Variants in FAM91A1 observed in about 807,000 individuals in gnomAD.
The protein encoded by FAM91A1 is family with sequence similarity 91 member A1.
In FAM91A1, 41 loss-of-function variants were observed where a neutral mutation model predicts 113.5. The observed-to-expected ratio is 0.36, with a 90% CI of 0.28 to 0.47. The LOEUF is 0.47. Ranked by LOEUF, FAM91A1 falls within the 20% of genes least tolerant of loss-of-function variation. The pLI is 1.00. For missense variants in FAM91A1, 696 were observed against 1,001.2 expected, an observed-to-expected ratio of 0.70 and a Z score of 4.11; for synonymous variants, 307 against 347.9, an observed-to-expected ratio of 0.88 and a Z score of 1.31.
chr8:123,789,535 A>G, intron 14 of FAM91A1, 78 bp from the exon 15 acceptor site: 5 of 1,574,814 alleles, frequency 3.2e-6, no homozygotes, highest in Non-Finnish European at 4.3e-6. Context: ...AATGTCTTAT[A>G]TCTCTATTAT....
intron 8 of FAM91A1, among the ~76,000 whole-genome samples, chr8:123,781,791 C>G (rs1447450594): frequency 6.6e-6 from 1 of 152,114 alleles, no homozygotes; most frequent in Non-Finnish European, 1.5e-5. Context: ...GGCCTGCATC[C>G]TATTTTAAGC....
At chr8:123,784,634 T>C (rs1815207814) in intron 9 of FAM91A1, 58 bp downstream of exon 9, 4 of 1,270,850 alleles carry the variant, frequency 3.1e-6, no homozygotes, top group Non-Finnish European at 4.4e-6. Context: ...TTGTGTAAAG[T>C]AAGTAAAGTT....
chr8:123,811,139 G>A (rs997584644), intron 23 of FAM91A1: 1 of 152,224 alleles, frequency 6.6e-6, no homozygotes, highest in Non-Finnish European at 1.5e-5. Flanking sequence ...GCAGAGCTTA[G>A]GTCTGTACTT....
chr8:123,772,360 G>T (rs749490798), intron 1 of FAM91A1, among the ~76,000 whole-genome samples: 20 of 152,182 alleles, frequency 1.3e-4, no homozygotes, highest in Non-Finnish European at 4.4e-5. Flanking sequence ...CTGAGAAAGA[G>T]ACTTTTATTT....
At chr8:123,769,939 T>G (rs1814799353) in intron 1 of FAM91A1, among the ~76,000 whole-genome samples, 1 of 151,414 alleles carries the variant, frequency 6.6e-6, no homozygotes, top group African/African-American at 2.4e-5. Context: ...ATATAAGGAT[T>G]ATTTATTTAT....
chr8:123,780,237 A>G (rs990825019), intron 7 of FAM91A1, among the ~76,000 whole-genome samples, 162 bp downstream of exon 7: 10 of 152,210 alleles, frequency 6.6e-5, no homozygotes, highest in East Asian at 3.8e-4. Flanking sequence ...CAGTGTGGCT[A>G]TAATTAGTCA....
chr8:123,810,387 C>T, intron 23 of FAM91A1, 36 bp downstream of exon 23: 1 of 1,582,936 alleles, frequency 6.3e-7, no homozygotes, highest in South Asian at 1.1e-5. Context: ...GGTACTTGTA[C>T]TGAGCTTTAA....
chr8:123,793,523 G>A (rs1815435860), intron 15 of FAM91A1, among the ~76,000 whole-genome samples: 1 of 151,986 alleles, frequency 6.6e-6, no homozygotes. Flanking sequence ...AATTATTTTC[G>A]TGCCCCAGTT....
At chr8:123,776,458 C>G (rs1814985796) in intron 3 of FAM91A1, among the ~76,000 whole-genome samples, 1 of 152,174 alleles carries the variant, frequency 6.6e-6, no homozygotes, top group African/African-American at 2.4e-5. Context: ...CCGTGTTCCT[C>G]TTTTGGAGGA....
intron 14 of FAM91A1, among the ~76,000 whole-genome samples, chr8:123,789,142 CT>C (rs1815323778): frequency 6.6e-6 from 1 of 152,118 alleles, no homozygotes; most frequent in African/African-American, 2.4e-5. Flanking sequence ...CTAAGTAAAT[CT>C]TTGTTGAGTG....
At chr8:123,808,470 T>C (rs568949681) in intron 21 of FAM91A1, 94 bp downstream of exon 21, 64 of 903,356 alleles carry the variant, frequency 7.1e-5, no homozygotes, top group Middle Eastern at 2.4e-4. Flanking sequence ...TCTATTCTTA[T>C]TATTCATACG....
intron 3 of FAM91A1, 77 bp from the exon 4 acceptor site, chr8:123,777,188 T>G (rs1586370096): frequency 1.1e-5 from 11 of 1,000,842 alleles, no homozygotes. Context: ...TTATTGGCTG[T>G]AATAATATTG....
At chr8:123,795,080 A>G (rs973425025) in intron 15 of FAM91A1, among the ~76,000 whole-genome samples, 1 of 152,242 alleles carries the variant, frequency 6.6e-6, no homozygotes, top group Non-Finnish European at 1.5e-5. Flanking sequence ...ATGATTTGAG[A>G]AAAAGCAAAG....
In FAM91A1 at chr8:123,789,298, G is replaced by T. The variant is rs1168643764; in HGVS notation, c.1279-315G>T. Among the ~76,000 whole-genome samples the T allele has an allele frequency of 2.0e-5, 3 of 152,164 alleles. No homozygotes were observed. The South Asian group carries it at 6.2e-4, about 31-fold the overall frequency. ...TGACCTTGGAGTACTTTCCTAGATG[G>T]AGCAGAATACGGGTTTTAGAGTTGT... is the stretch of plus-strand genomic sequence containing the variant. On this transcript the variant is annotated intron_variant, in intron 14 of 23. Transcript: ENST00000334705.
chr8:123,800,993 A>G (rs1815663989), intron 18 of FAM91A1, among the ~76,000 whole-genome samples: 1 of 152,158 alleles, frequency 6.6e-6, no homozygotes, highest in Non-Finnish European at 1.5e-5. Flanking sequence ...ACATTTGTGT[A>G]CAAGTTTTTC....
rs368848202 is a variant in FAM91A1 at position 123,778,684 on chromosome 8, G to A, written c.461G>A (p.Arg154His). 3.7e-5 allele frequency: 59 copies of A among 1,610,272 alleles called. No individual in the cohort carries two copies. The African/African-American group carries it at 5.5e-4, about 15-fold the overall frequency. Residue 154 changes from arginine to histidine, a missense_variant, in exon 6 of 24, where the codon CGT becomes CAT. Physicochemically the swap from Arg to His is conservative, Grantham distance 29 (BLOSUM62 0). Transcript: ENST00000334705. ...AAATTCTTCAGAAGGAAAACAGCCC[G>A]TGATCTTCTACCAATAAAGCCAGTG... ...SKKFFRRKTA[R>H]DLLPIKPVEI...
In FAM91A1 at chr8:123,784,499, C is replaced by A; in HGVS notation, c.733C>A (p.Arg245=). 6.2e-7 allele frequency: 1 copy of A among 1,603,338 alleles called. No individual in the cohort carries two copies. Among genetic ancestry groups the A allele is most frequent in the South Asian group, 1.1e-5 (1 of 88,052 alleles). Residue 245 remains arginine, a synonymous_variant, in exon 9 of 24, where the codon CGA becomes AGA. Coordinates refer to ENST00000334705, the MANE Select transcript of FAM91A1 (RefSeq NM_144963.4). ...VPPLEGFVMN[R]VQGDYFETLL... ...ACCTCTTGAAGGTTTTGTAATGAATCGAGTGCAAGGTGATTATTTTGAAAC... is the reference window on the plus strand; with the variant it reads ...ACCTCTTGAAGGTTTTGTAATGAATAGAGTGCAAGGTGATTATTTTGAAAC...
At position 123,799,502 on chromosome 8, in the gene FAM91A1, A is replaced by T; in HGVS notation, c.1561-18A>T. On this transcript the variant is annotated intron_variant, in intron 16 of 23. Transcript: ENST00000334705. ...AACACTTTATTTTAACTTTATCTTA[A>T]CTGTTTTATGATTGTAGCATATTGG... 2.5e-6 allele frequency: 4 copies of T among 1,602,462 alleles called. No individual in the cohort carries two copies. Among genetic ancestry groups the T allele is most frequent in the Non-Finnish European group, 3.4e-6 (4 of 1,176,510 alleles).
chr8:123,777,903 T>C (rs1437488711), intron 4 of FAM91A1, 122 bp from the exon 5 acceptor site: 6 of 736,810 alleles, frequency 8.1e-6, no homozygotes, highest in East Asian at 5.7e-5. Flanking sequence ...TAATTTGATA[T>C]TGATATTTGA....
Sources: allele counts gnomAD v4.1 joint callset (sites outside exome capture counted in the v4.1 genomes callset), GRCh38; gene constraint gnomAD v4.1.1; transcripts MANE v1.5; gene names NCBI Gene and HGNC (gene_info 2026-07-23, HGNC 2026-07-21).